LMBRD1: variants seen among roughly 807,000 people sequenced by gnomAD.
The protein encoded by LMBRD1 is LMBR1 domain containing 1.
In LMBRD1, 64 loss-of-function variants were observed where a neutral mutation model predicts 74.8. That is an observed-to-expected ratio of 0.86 (90% CI 0.70 to 1.05). The LOEUF is 1.05. Among genes scored for constraint, LMBRD1 ranks in the 50% least tolerant of loss-of-function variants. The pLI, the probability that LMBRD1 is intolerant of heterozygous loss-of-function variation, is 0.00. For missense variants in LMBRD1, 652 were observed against 645.9 expected (o/e 1.01, Z -0.10); for synonymous variants, 204 against 216.3 (o/e 0.94, Z 0.50).
chr6:69,718,399 T>G (rs1766539076), intron 8 of LMBRD1, among the ~76,000 whole-genome samples: 1 of 152,210 alleles, frequency 6.6e-6, no homozygotes, highest in Admixed American at 6.5e-5. Context: ...CTCAAATTGC[T>G]AGTGTCCTAC....
At chr6:69,769,741 T>C (rs1467736403) in intron 3 of LMBRD1, among the ~76,000 whole-genome samples, 2 of 106,198 alleles carry the variant, frequency 1.9e-5, no homozygotes, top group African/African-American at 8.6e-5. Flanking sequence ...ATTTTTTTAG[T>C]GTTTTTTTTT....
rs2925798 is a variant in LMBRD1 at position 69,796,712 on chromosome 6, G to C, written c.69+101C>G. Reference sequence around the variant, plus strand: ...CAGTCCAAGCTAAAAGCGGGGCGGGGCGAAGAGGGTCTCCGGGGCCCGGAG... The same window carrying C: ...CAGTCCAAGCTAAAAGCGGGGCGGGCCGAAGAGGGTCTCCGGGGCCCGGAG... On this transcript the variant is annotated intron_variant, in intron 1 of 15. Coordinates refer to ENST00000649934, the MANE Select transcript of LMBRD1 (RefSeq NM_018368.4). 3 of 1,096,500 alleles carry C rather than the reference G, an allele frequency of 2.7e-6. No homozygotes were observed. The South Asian group carries it at 4.0e-5, about 14-fold the overall frequency. 67.9% of individuals were successfully genotyped at this position (1,096,500 alleles called of 1,614,324 possible). A position where few individuals can be genotyped will look rare whatever the true frequency, so the allele number is the denominator to read the frequency against.
At chr6:69,776,829 C>T (rs1442018065) in intron 3 of LMBRD1, among the ~76,000 whole-genome samples, 2 of 152,118 alleles carry the variant, frequency 1.3e-5, no homozygotes, top group African/African-American at 4.8e-5. Flanking sequence ...TAGAATCTCT[C>T]GGGATACAAT....
intron 7 of LMBRD1, among the ~76,000 whole-genome samples, chr6:69,719,477 A>C (rs1348643870): frequency 6.6e-6 from 1 of 152,168 alleles, no homozygotes; most frequent in Non-Finnish European, 1.5e-5. Flanking sequence ...TGGTAAAATA[A>C]GTATTTTAAT....
At chr6:69,693,382 T>C (rs1310897569) in intron 14 of LMBRD1, among the ~76,000 whole-genome samples, 1 of 152,044 alleles carries the variant, frequency 6.6e-6, no homozygotes, top group Non-Finnish European at 1.5e-5. Context: ...GTTGAATAAA[T>C]GTCAGATCGC....
chr6:69,693,406 A>G (rs773575748), intron 14 of LMBRD1, among the ~76,000 whole-genome samples: 21 of 152,056 alleles, frequency 1.4e-4, no homozygotes, highest in Non-Finnish European at 2.8e-4. Context: ...ATATATAAAC[A>G]ATATTAATTT....
At chr6:69,741,382 CT>C (rs1231643024) in intron 6 of LMBRD1, among the ~76,000 whole-genome samples, 189 of 144,676 alleles carry the variant, frequency 1.3e-3, no homozygotes, top group Admixed American at 1.7e-3. Flanking sequence ...GGGTTAAGTT[CT>C]TTTTTTTTTT....
In LMBRD1 at chr6:69,741,861, T is replaced by A; in HGVS notation, c.490A>T (p.Asn164Tyr). Residue 164 changes from asparagine to tyrosine, a missense_variant, in exon 6 of 16, where the codon AAT becomes TAT. Around this residue, in one of 3 missense-constraint regions of LMBRD1, gnomAD observed 598 missense variants for 581.8 expected, o/e 1.03. Coordinates refer to ENST00000649934, the MANE Select transcript of LMBRD1 (RefSeq NM_018368.4). ...LLLVGAFVPL[N>Y]VPNNKNSTEW... is the part of the protein sequence containing the mutation. ...GTAGAATTTTTGTTATTGGGAACAT[T>A]CAATGGAACAAAGGCACTACAAAAG... The A allele has an allele frequency of 3.1e-6, 5 of 1,596,398 alleles. No homozygotes were observed. The highest frequency in any genetic ancestry group is 2.6e-6 in the Non-Finnish European group (3 of 1,164,138).
In LMBRD1 at chr6:69,790,484, C is replaced by T; in HGVS notation, c.70-12G>A. On this transcript the variant is annotated splice_polypyrimidine_tract_variant and intron_variant, in intron 1 of 15. Transcript: ENST00000649934. Reference sequence around the variant, plus strand: ...AATGCCAAAATAGCCTGAAATAGAACAAAAAGAGATGTTTGTTACTACCCA... The same window carrying T: ...AATGCCAAAATAGCCTGAAATAGAATAAAAAGAGATGTTTGTTACTACCCA... 6.2e-7 allele frequency: 1 copy of T among 1,612,708 alleles called. No homozygotes were observed. The highest frequency in any genetic ancestry group is 1.1e-5 in the South Asian group (1 of 91,048).
intron 9 of LMBRD1, among the ~76,000 whole-genome samples, chr6:69,712,959 T>C (rs954558425): frequency 2.6e-5 from 4 of 152,110 alleles, no homozygotes; most frequent in Non-Finnish European, 1.5e-5. Flanking sequence ...GATAGCAACA[T>C]AAATGAATAT....
intron 5 of LMBRD1, among the ~76,000 whole-genome samples, chr6:69,747,779 G>A (rs1375695090): frequency 6.6e-6 from 1 of 152,146 alleles, no homozygotes; most frequent in African/African-American, 2.4e-5. Flanking sequence ...AAACGTATGA[G>A]CTACATGAAT....
intron 7 of LMBRD1, among the ~76,000 whole-genome samples, chr6:69,727,117 C>T (rs1766753933): frequency 6.6e-6 from 1 of 152,062 alleles, no homozygotes. Flanking sequence ...TGAGATCGCG[C>T]CACTGCACTC....
At chr6:69,788,298 A>T (rs1218658746) in intron 2 of LMBRD1, among the ~76,000 whole-genome samples, 1 of 152,136 alleles carries the variant, frequency 6.6e-6, no homozygotes, top group African/African-American at 2.4e-5. Flanking sequence ...TAATTATATG[A>T]CCTCTATACA....
intron 14 of LMBRD1, among the ~76,000 whole-genome samples, chr6:69,682,146 G>A (rs377106436): frequency 6.6e-5 from 10 of 151,936 alleles, no homozygotes; most frequent in Admixed American, 3.3e-4. Flanking sequence ...CAGAAAAAAT[G>A]AAGATATATA....
Position 69,718,976 on chromosome 6 carries a change from T to C in LMBRD1, c.742A>G (p.Ile248Val). ...CTCACTTTTGATTTAATCGTTTGAA[T>C]GTGTTGTTCTACTTCTTCAATGTCT... The part of the protein sequence containing the change: ...TEDIEEVEQH[I>V]QTIKSKSKDG... Residue 248 changes from isoleucine to valine, a missense_variant, in exon 8 of 16, where the codon ATT (isoleucine) becomes GTT (valine). Physicochemically the swap from Ile to Val is conservative, Grantham distance 29 (BLOSUM62 3). Around this residue, in one of 3 missense-constraint regions of LMBRD1, gnomAD observed 598 missense variants for 581.8 expected, o/e 1.03. Coordinates refer to ENST00000649934, the MANE Select transcript of LMBRD1 (RefSeq NM_018368.4). 1 of 1,613,530 alleles carries C rather than the reference T, an allele frequency of 6.2e-7. No homozygotes were observed.
At chr6:69,742,063 A>C (rs1294472660) in intron 5 of LMBRD1, among the ~76,000 whole-genome samples, 186 bp from the exon 6 acceptor site, 1 of 152,180 alleles carries the variant, frequency 6.6e-6, no homozygotes, top group African/African-American at 2.4e-5. Context: ...GTATTACTGC[A>C]TTCAGAAAAA....
intron 6 of LMBRD1, among the ~76,000 whole-genome samples, chr6:69,740,279 G>A (rs1376954207): frequency 6.6e-6 from 1 of 152,110 alleles, no homozygotes; most frequent in African/African-American, 2.4e-5. Context: ...CTAGAATATG[G>A]TGTTTAACAC....
At chr6:69,785,132 C>T (rs1462316777) in intron 2 of LMBRD1, among the ~76,000 whole-genome samples, 3 of 152,184 alleles carry the variant, frequency 2.0e-5, no homozygotes, top group African/African-American at 7.2e-5. Flanking sequence ...CACCTCTCAA[C>T]ACCACTGAAA....
Position 69,674,973 on chromosome 6 carries a change from T to TA in LMBRD1, c.*1184dup, listed in dbSNP as rs1467609338. On this transcript the variant is annotated 3_prime_UTR_variant, in exon 16 of 16. Coordinates refer to ENST00000649934, the MANE Select transcript of LMBRD1 (RefSeq NM_018368.4). ...GGGCGACAAGAGTGAAACTCCATCTTAAAAAAAAAGAAAAAAGAAAATGTA... is the reference window on the plus strand; with the variant it reads ...GGGCGACAAGAGTGAAACTCCATCTTAAAAAAAAAAGAAAAAAGAAAATGTA... 4.7e-5 allele frequency among the ~76,000 whole-genome samples: 7 copies of TA among 149,806 alleles called. No individual in the cohort carries two copies. The highest frequency in any genetic ancestry group is 2.0e-4 in the East Asian group (1 of 5,118).
Sources: gnomAD v4.1 joint callset for allele counts (sites outside exome capture counted in the v4.1 genomes callset) on GRCh38, gnomAD v4.1.1 for gene constraint, gnomAD v4.1.1 regional missense constraint, MANE v1.5 for transcripts, NCBI Gene and HGNC (gene_info 2026-07-23, HGNC 2026-07-21) for gene names.